Variants in SHB observed in about 807,000 individuals in gnomAD.
The protein encoded by SHB is SH2 domain-containing adapter protein B.
SHB carries 20 observed loss-of-function variants against 52.3 expected under a neutral mutation model. That is an observed-to-expected ratio of 0.38 (90% CI 0.27 to 0.56). The LOEUF (loss-of-function observed/expected upper bound fraction) is 0.56, where lower values mean the gene tolerates loss of function less well. Among genes scored for constraint, SHB ranks in the 20% least tolerant of loss-of-function variants. SHB has a pLI of 0.71. For synonymous variants in SHB, 397 were observed against 316.5 expected (o/e 1.25, Z -2.70); for missense variants, 825 against 723.3 (o/e 1.14, Z -1.61).
chr9:37,957,536 C>A (rs1832649754), intron 3 of SHB, among the ~76,000 whole-genome samples: 1 of 152,212 alleles, frequency 6.6e-6, no homozygotes, highest in African/African-American at 2.4e-5. Context: ...TCCAGAGACA[C>A]CGGACCCACC....
At chr9:37,950,233 A>C (rs11789061) in intron 4 of SHB, among the ~76,000 whole-genome samples, 2 of 151,240 alleles carry the variant, frequency 1.3e-5, no homozygotes, top group Non-Finnish European at 2.9e-5. Flanking sequence ...CATTGCATCC[A>C]GCCTGATTTT....
rs376650854 is a variant in SHB, at chr9:37,954,109, T to C, written c.1226+1774A>G. On this transcript the variant is annotated intron_variant, in intron 4 of 5. Transcript: ENST00000377707. ...CATCTGTGAGTCACAGTTTGTTGAT[T>C]AAAAGTGCACAGTTTGATCAGAAAT... Among the ~76,000 whole-genome samples, 44 of 152,252 alleles carry C rather than the reference T, an allele frequency of 2.9e-4. 1 individual carries two copies. The South Asian group carries it at 8.9e-3, about 31-fold the overall frequency.
intron 2 of SHB, among the ~76,000 whole-genome samples, chr9:37,999,502 G>T (rs1213413893): frequency 2.0e-5 from 3 of 152,202 alleles, no homozygotes; most frequent in Non-Finnish European, 4.4e-5. Context: ...CAATTCGAAA[G>T]TAGGCTTCTG....
chr9:37,982,972 T>TGCC (rs1554702653), intron 2 of SHB, among the ~76,000 whole-genome samples: 2 of 95,392 alleles, frequency 2.1e-5, no homozygotes, highest in South Asian at 6.4e-4. Flanking sequence ...GCCTCTCTGG[T>TGCC]GCCCCCCCCT....
At position 38,066,597 on chromosome 9, in the gene SHB, G is replaced by A. The variant is rs1490043403; in HGVS notation, c.717+1332C>T. ...GGTGCTTTAGAAACCCAGAGTCCAA[G>A]CTTCCGAGGGGTGCCCCAAACTGCC... is the stretch of plus-strand genomic sequence containing the variant. On this transcript the variant is annotated intron_variant, in intron 1 of 5. Transcript: ENST00000377707. 2.0e-5 allele frequency among the ~76,000 whole-genome samples: 3 copies of A among 152,162 alleles called. No homozygotes were observed. In the East Asian group the frequency reaches 5.8e-4, roughly 29 times the overall value.
At chr9:37,923,156 C>A (rs1160320831) in intron 5 of SHB, among the ~76,000 whole-genome samples, 2 of 152,234 alleles carry the variant, frequency 1.3e-5, no homozygotes, top group African/African-American at 4.8e-5. Context: ...TGCTCCTGAC[C>A]TCAGCACTCC....
At chr9:38,008,745 C>G (rs1202779041) in intron 2 of SHB, among the ~76,000 whole-genome samples, 1 of 152,156 alleles carries the variant, frequency 6.6e-6, no homozygotes, top group Non-Finnish European at 1.5e-5. Context: ...GCTGTGACCA[C>G]CAGGACAGGC....
intron 1 of SHB, among the ~76,000 whole-genome samples, chr9:38,042,899 C>G (rs995042375): frequency 1.3e-5 from 2 of 152,132 alleles, no homozygotes; most frequent in Admixed American, 1.3e-4. Flanking sequence ...CCATGACTAC[C>G]CAGCTAAGTC....
chr9:38,051,135 C>T (rs1254707975), intron 1 of SHB, among the ~76,000 whole-genome samples: 5 of 152,060 alleles, frequency 3.3e-5, no homozygotes, highest in Non-Finnish European at 7.4e-5. Context: ...GAATCTGAGT[C>T]GAAGTTGCAC....
At chr9:38,005,403 G>A (rs1821065800) in intron 2 of SHB, among the ~76,000 whole-genome samples, 1 of 152,224 alleles carries the variant, frequency 6.6e-6, no homozygotes, top group African/African-American at 2.4e-5. Context: ...CTGAAAGGGA[G>A]AAGGCAGGAC....
At chr9:37,956,098 C>T (rs376082470) in intron 3 of SHB, 44 bp from the exon 4 acceptor site, 35 of 1,534,066 alleles carry the variant, frequency 2.3e-5, no homozygotes, top group Non-Finnish European at 2.9e-5. Flanking sequence ...GAGCTCAGCC[C>T]AGGGAGCTAC....
At position 38,068,121 on chromosome 9, in the gene SHB, C is replaced by G. The variant is rs1480026854; in HGVS notation, c.525G>C (p.Glu175Asp). The G allele has an allele frequency of 6.8e-7, 1 of 1,461,922 alleles. No individual in the cohort carries two copies. Among genetic ancestry groups the G allele is most frequent in the African/African-American group, 1.5e-5 (1 of 67,610 alleles). The allele number at this position is 1,461,922 out of a possible 1,614,324, so 90.6% of individuals were successfully genotyped here. Residue 175 changes from glutamate (E) to aspartate (D), a missense_variant, in exon 1 of 6, where the codon GAG becomes GAC. Coordinates refer to ENST00000377707, the MANE Select transcript of SHB (RefSeq NM_003028.3). ...SSERRPATPAEVRYISPKHRL... is the reference protein window; with the variant it reads ...SSERRPATPADVRYISPKHRL... ...GGTGCTTGGGGGAGATGTAGCGCAC[C>G]TCGGCCGGCGTGGCGGGCCGCCGCT... is the stretch of plus-strand genomic sequence containing the variant.
Position 38,068,102 on chromosome 9 carries a change from T to C in SHB, c.544A>G (p.Lys182Glu). 1.3e-6 allele frequency: 2 copies of C among 1,485,726 alleles called. No individual in the cohort carries two copies. The highest frequency in any genetic ancestry group is 1.3e-5 in the South Asian group (1 of 74,828). The allele number at this position is 1,485,726 out of a possible 1,614,324, so 92.0% of individuals were successfully genotyped here. ...CTCTCCACTTTGATGAGGCGGTGCTTGGGGGAGATGTAGCGCACCTCGGCC... is the reference window on the plus strand; with the variant it reads ...CTCTCCACTTTGATGAGGCGGTGCTCGGGGGAGATGTAGCGCACCTCGGCC... ...TPAEVRYISP[K>E]HRLIKVESAA... Residue 182 changes from lysine to glutamate, a missense_variant, in exon 1 of 6, where the codon AAG becomes GAG. By Grantham distance (56) the Lys-to-Glu change is moderately conservative (BLOSUM62 1). Transcript: ENST00000377707.
At chr9:38,066,499 G>A (rs1432664343) in intron 1 of SHB, among the ~76,000 whole-genome samples, 1 of 152,076 alleles carries the variant, frequency 6.6e-6, no homozygotes, top group African/African-American at 2.4e-5. Context: ...AGGGAAATCT[G>A]CCCCCTCTCC....
chr9:37,953,902 G>T (rs545846263), intron 4 of SHB, among the ~76,000 whole-genome samples: 2 of 152,296 alleles, frequency 1.3e-5, no homozygotes, highest in East Asian at 3.9e-4. Context: ...GACGATGGGG[G>T]AGGAAAAGCC....
Position 38,025,900 on chromosome 9 carries a change from A to G in SHB, c.718-9769T>C, listed in dbSNP as rs146553212. 9.7e-4 allele frequency among the ~76,000 whole-genome samples: 147 copies of G among 152,318 alleles called. 1 individual carries two copies. The highest frequency in any genetic ancestry group is 3.3e-3 in the African/African-American group (139 of 41,578). Reference sequence around the variant, plus strand: ...AGCAGAACACTCCTGAGCGGGTGACAGAACTAGACTCCCATCAAATCCCAA... The same window carrying G: ...AGCAGAACACTCCTGAGCGGGTGACGGAACTAGACTCCCATCAAATCCCAA... On this transcript the variant is annotated intron_variant, in intron 1 of 5. Coordinates refer to ENST00000377707, the MANE Select transcript of SHB (RefSeq NM_003028.3).
intron 1 of SHB, among the ~76,000 whole-genome samples, chr9:38,025,379 G>C (rs1017484136): frequency 3.9e-5 from 6 of 152,168 alleles, no homozygotes; most frequent in Admixed American, 3.3e-4. Context: ...CCTGCTCTAG[G>C]GGGTACGAGT....
intron 5 of SHB, among the ~76,000 whole-genome samples, chr9:37,926,276 G>T (rs1052787365): frequency 1.4e-5 from 2 of 147,882 alleles, no homozygotes; most frequent in Non-Finnish European, 3.0e-5. Context: ...TCCTCCTGCC[G>T]CCTCTTTGAC....
chr9:37,953,333 A>G (rs1278672635), intron 4 of SHB, among the ~76,000 whole-genome samples: 2 of 152,110 alleles, frequency 1.3e-5, no homozygotes, highest in Non-Finnish European at 2.9e-5. Context: ...TTCTAGGCAC[A>G]GGGGATGCAG....
Sources: allele counts gnomAD v4.1 joint callset (sites outside exome capture counted in the v4.1 genomes callset), GRCh38; gene constraint gnomAD v4.1.1; transcripts MANE v1.5; gene names NCBI Gene and HGNC (gene_info 2026-07-23, HGNC 2026-07-21).